Variants in TMEM132D observed in about 807,000 individuals in gnomAD.
The protein encoded by TMEM132D is mature OL transmembrane protein.
Under a neutral mutation model 62.3 loss-of-function variants are expected in TMEM132D, and 21 were observed. The ratio of observed to expected loss-of-function variants is 0.34; its 90% CI spans 0.24 to 0.49. The LOEUF (loss-of-function observed/expected upper bound fraction) is 0.49, where lower values mean the gene tolerates loss of function less well. TMEM132D is among the 20% of genes least tolerant of loss of function. TMEM132D has a pLI of 0.99. For synonymous variants in TMEM132D, 621 were observed against 575.6 expected (o/e 1.08, Z -1.13); for missense variants, 1,346 against 1,402.8 (o/e 0.96, Z 0.65).
chr12:129,141,870 G>A (rs1390038009), intron 5 of TMEM132D, among the ~76,000 whole-genome samples: 2 of 151,372 alleles, frequency 1.3e-5, no homozygotes. Flanking sequence ...TCAGTATCAT[G>A]CAATATACAC....
chr12:129,782,185 C>T (rs1871138507), intron 1 of TMEM132D, among the ~76,000 whole-genome samples: 1 of 152,182 alleles, frequency 6.6e-6, no homozygotes, highest in African/African-American at 2.4e-5. Context: ...GGTTCAGCAT[C>T]CCTAATCCGA....
rs60836498 is a variant in TMEM132D at position 129,311,197 on chromosome 12, CAAAAAAAAAAAAAAAAAAAAAAAA to C, written c.1299+26413_1299+26436del. 2.0e-4 allele frequency among the ~76,000 whole-genome samples: 6 copies of C among 29,670 alleles called. 2 individuals are homozygous for C. Among genetic ancestry groups the C allele is most frequent in the Admixed American group, 1.6e-3 (2 of 1,276 alleles). 19.5% of individuals were successfully genotyped at this position (29,670 alleles called of 152,430 possible). A position where few individuals can be genotyped will look rare whatever the true frequency, so the allele number is the denominator to read the frequency against. On this transcript the variant is annotated intron_variant, in intron 4 of 8. Transcript: ENST00000422113. ...TGGGCGACAGAGCGAGACTCCGTCT[CAAAAAAAAAAAAAAAAAAAAAAAA>C]AAAAAAAAAAAAAAGGAACAGGACA...
chr12:129,255,889 C>G (rs11834493), intron 4 of TMEM132D, among the ~76,000 whole-genome samples: 9,551 of 152,234 alleles, frequency 0.063, 1,060 homozygotes, highest in African/African-American at 0.22. Flanking sequence ...AAACACTATT[C>G]AAGAACCAAT....
chr12:129,494,600 AT>A (rs1874892981), intron 3 of TMEM132D, among the ~76,000 whole-genome samples: 1 of 152,202 alleles, frequency 6.6e-6, no homozygotes, highest in African/African-American at 2.4e-5. Context: ...AGCTTTGATC[AT>A]TGGCATTGCC....
chr12:129,205,636 G>A (rs1317974315), intron 5 of TMEM132D, among the ~76,000 whole-genome samples: 1 of 151,988 alleles, frequency 6.6e-6, no homozygotes, highest in Non-Finnish European at 1.5e-5. Flanking sequence ...AGATATTCAG[G>A]ACCTGAACTC....
At chr12:129,630,000 A>C (rs946370318) in intron 2 of TMEM132D, among the ~76,000 whole-genome samples, 20 of 152,230 alleles carry the variant, frequency 1.3e-4, no homozygotes, top group African/African-American at 4.8e-4. Flanking sequence ...GGTAGCAGGA[A>C]GTTGATTCAT....
At chr12:129,135,305 T>C (rs191210952) in intron 5 of TMEM132D, among the ~76,000 whole-genome samples, 1 of 152,192 alleles carries the variant, frequency 6.6e-6, no homozygotes, top group African/African-American at 2.4e-5. Context: ...GACATGGGAA[T>C]GATGGTCATG....
Position 129,308,296 on chromosome 12 carries a change from G to A in TMEM132D, c.1299+29338C>T, listed in dbSNP as rs141047047. 3.2e-3 allele frequency among the ~76,000 whole-genome samples: 483 copies of A among 152,268 alleles called. 5 individuals carry two copies. Among genetic ancestry groups the A allele is most frequent in the African/African-American group, 0.011 (459 of 41,550 alleles). On this transcript the variant is annotated intron_variant, in intron 4 of 8. Coordinates refer to ENST00000422113, the MANE Select transcript of TMEM132D (RefSeq NM_133448.3). ...TCCTTACTGCTCACTCCATGGGAGT[G>A]GGAACCATGTTTTCTTTACCCTACA...
At chr12:129,096,290 C>A (rs1875113502) in intron 5 of TMEM132D, among the ~76,000 whole-genome samples, 1 of 152,098 alleles carries the variant, frequency 6.6e-6, no homozygotes, top group Non-Finnish European at 1.5e-5. Flanking sequence ...CCGTCATATG[C>A]CTCACATGCC....
intron 1 of TMEM132D, among the ~76,000 whole-genome samples, chr12:129,882,459 T>G (rs367892429): frequency 1.3e-5 from 2 of 152,108 alleles, no homozygotes; most frequent in African/African-American, 4.8e-5. Context: ...GATAGTCCAG[T>G]ATTTGAAAAT....
At chr12:129,489,505 C>T (rs900968474) in intron 3 of TMEM132D, among the ~76,000 whole-genome samples, 1 of 152,202 alleles carries the variant, frequency 6.6e-6, no homozygotes, top group Non-Finnish European at 1.5e-5. Flanking sequence ...ATAAAGAATA[C>T]TTGCATACAT....
intron 3 of TMEM132D, among the ~76,000 whole-genome samples, chr12:129,448,096 G>GCA (rs1352788990): frequency 1.3e-5 from 2 of 152,186 alleles, no homozygotes; most frequent in African/African-American, 4.8e-5. Flanking sequence ...CCCACGGACT[G>GCA]TAGTCTATGT....
intron 2 of TMEM132D, among the ~76,000 whole-genome samples, chr12:129,628,662 G>T (rs1316104402): frequency 6.6e-6 from 1 of 152,124 alleles, no homozygotes; most frequent in Non-Finnish European, 1.5e-5. Flanking sequence ...GGAGAGAAAT[G>T]AACAAATAAG....
intron 2 of TMEM132D, among the ~76,000 whole-genome samples, chr12:129,539,234 A>AT (rs151124336): frequency 0.39 from 55,139 of 142,694 alleles, 10,862 homozygotes; most frequent in East Asian, 0.51. Context: ...TTATTTCCGG[A>AT]TTTTTTTTTT....
chr12:129,747,460 ACATT>A (rs1196335189), intron 1 of TMEM132D, among the ~76,000 whole-genome samples: 13 of 150,020 alleles, frequency 8.7e-5, no homozygotes, highest in South Asian at 6.4e-4. Context: ...CCTCTCACAC[ACATT>A]CAGACACACA....
intron 2 of TMEM132D, among the ~76,000 whole-genome samples, chr12:129,678,531 G>C (rs79741682): frequency 0.021 from 3,240 of 152,166 alleles, 48 homozygotes; most frequent in South Asian, 0.06. Context: ...TTGAACAACA[G>C]CCATTCTTCA....
At chr12:129,709,842 T>G (rs961909405) in intron 1 of TMEM132D, among the ~76,000 whole-genome samples, 4 of 152,230 alleles carry the variant, frequency 2.6e-5, no homozygotes, top group African/African-American at 9.6e-5. Flanking sequence ...CAGATCCTAT[T>G]AATTTTAAAG....
At chr12:129,832,876 A>T (rs1872886729) in intron 1 of TMEM132D, among the ~76,000 whole-genome samples, 1 of 152,210 alleles carries the variant, frequency 6.6e-6, no homozygotes, top group Non-Finnish European at 1.5e-5. Context: ...TTTTGAATTC[A>T]GTTTCAACCC....
rs746063470 is a variant in TMEM132D, at chr12:129,247,788, T to C, written c.1300-38125A>G. 3.2e-4 allele frequency among the ~76,000 whole-genome samples: 49 copies of C among 151,860 alleles called. 1 individual carries two copies. The highest frequency in any genetic ancestry group is 5.9e-5 in the Non-Finnish European group (4 of 67,996). On this transcript the variant is annotated intron_variant, in intron 4 of 8. Coordinates refer to ENST00000422113, the MANE Select transcript of TMEM132D (RefSeq NM_133448.3). ...TGGCTGGCAAGGAAATAGAAAACGA[T>C]ATGCCCCATAGCTTTTAATTCTGGC...
Sources: allele counts gnomAD v4.1 joint callset (sites outside exome capture counted in the v4.1 genomes callset), GRCh38; gene constraint gnomAD v4.1.1; transcripts MANE v1.5; gene names NCBI Gene and HGNC (gene_info 2026-07-23, HGNC 2026-07-21).